The following MCTP1 variants were observed in gnomAD, a reference collection of about 807,000 sequenced individuals.
MCTP1 encodes the protein multiple C2 and transmembrane domain containing 1.
MCTP1 carries 69 observed loss-of-function variants against 120.6 expected under a neutral mutation model. The observed-to-expected ratio is 0.57, with a 90% confidence interval of 0.47 to 0.70. MCTP1 has a LOEUF of 0.70. Among genes scored for constraint, MCTP1 ranks in the 30% least tolerant of loss-of-function variants. The probability of loss-of-function intolerance (pLI) is 0.00; values close to 1 mark genes in which losing one functional copy is unlikely to be tolerated. For synonymous variants in MCTP1, 529 were observed against 493.1 expected, an observed-to-expected ratio of 1.07 and a Z score of -0.96; for missense variants, 1,203 against 1,248.8, an observed-to-expected ratio of 0.96 and a Z score of 0.55.
intron 1 of MCTP1, among the ~76,000 whole-genome samples, chr5:95,118,249 G>A (rs1418864449): frequency 6.6e-6 from 1 of 152,074 alleles, no homozygotes; most frequent in Non-Finnish European, 1.5e-5. Flanking sequence ...AAATAAAGAG[G>A]TTAAGGTGTA....
chr5:95,061,408 G>GTTTTTTTTTTTTTTTTTTTTTTTT (rs556663513), intron 1 of MCTP1, among the ~76,000 whole-genome samples: 1 of 33,490 alleles, frequency 3.0e-5, no homozygotes, highest in African/African-American at 9.8e-5. Flanking sequence ...CCCCTTAAGG[G>GTTTTTTTTTTTTTTTTTTTTTTTT]TTTTTTTTTT....
chr5:95,216,238 G>T (rs1238932467), intron 1 of MCTP1, among the ~76,000 whole-genome samples: 1 of 152,134 alleles, frequency 6.6e-6, no homozygotes, highest in South Asian at 2.1e-4. Flanking sequence ...ATGCCTTTGT[G>T]TCATGTTATT....
chr5:94,724,710 T>C (rs548122355), intron 19 of MCTP1, among the ~76,000 whole-genome samples: 1 of 152,288 alleles, frequency 6.6e-6, no homozygotes, highest in East Asian at 1.9e-4. Context: ...CTCTCAAAGT[T>C]ACCCAGGGAC....
intron 1 of MCTP1, among the ~76,000 whole-genome samples, chr5:95,148,421 T>C (rs1410006821): frequency 6.6e-6 from 1 of 152,222 alleles, no homozygotes; most frequent in Admixed American, 6.5e-5. Flanking sequence ...TTTATTTTTG[T>C]CTGACTGATT....
At chr5:95,166,299 C>T (rs1365480183) in intron 1 of MCTP1, 1 of 152,092 alleles carries the variant, frequency 6.6e-6, no homozygotes, top group Non-Finnish European at 1.5e-5. Context: ...TTTGAGTTCT[C>T]CAATCAAGGG....
intron 17 of MCTP1, among the ~76,000 whole-genome samples, chr5:94,841,335 G>A (rs1407524349): frequency 1.3e-5 from 2 of 152,174 alleles, no homozygotes; most frequent in Non-Finnish European, 2.9e-5. Flanking sequence ...ATGAAGATTG[G>A]CATTTCGATT....
intron 1 of MCTP1, among the ~76,000 whole-genome samples, chr5:95,188,292 G>A (rs527471769): frequency 2.6e-5 from 4 of 152,256 alleles, no homozygotes; most frequent in South Asian, 2.1e-4. Context: ...TTGGCTCACC[G>A]GTGCAATGAT....
At position 94,704,182 on chromosome 5, in the gene MCTP1, A is replaced by G. The variant is rs1196399864; in HGVS notation, c.*3314T>C. Reference sequence around the variant, plus strand: ...TCTAGATACCCTAATCAAACCAACGAATAGACATCATCTGTACACTCACTC... The same window carrying G: ...TCTAGATACCCTAATCAAACCAACGGATAGACATCATCTGTACACTCACTC... On this transcript the variant is annotated 3_prime_UTR_variant, in exon 23 of 23. Transcript: ENST00000515393. 9.4e-6 allele frequency: 1 copy of G among 106,022 alleles called. No individual in the cohort carries two copies. Among genetic ancestry groups the G allele is most frequent in the Non-Finnish European group, 2.0e-5 (1 of 49,086 alleles). The allele number at this position is 106,022 out of a possible 1,614,324, so 6.6% of individuals were successfully genotyped here.
intron 1 of MCTP1, among the ~76,000 whole-genome samples, chr5:95,227,034 C>CT (rs1266088066): frequency 2.0e-5 from 3 of 152,174 alleles, no homozygotes; most frequent in Non-Finnish European, 4.4e-5. Context: ...CTCCCAGCCT[C>CT]TGTCAGCCTC....
intron 18 of MCTP1, chr5:94,789,594 G>C (rs1414681621): frequency 6.6e-6 from 1 of 152,144 alleles, no homozygotes; most frequent in Non-Finnish European, 1.5e-5. Flanking sequence ...AACAAACAGT[G>C]GCCACAGGTA....
rs1760542087 is a variant in MCTP1, at chr5:95,283,988, C to T, written c.588G>A (p.Gln196=). Residue 196 remains glutamine (Q), a synonymous_variant, in exon 1 of 23, where the codon CAG becomes CAA. Coordinates refer to ENST00000515393, the MANE Select transcript of MCTP1 (RefSeq NM_024717.7). ...CGGTGCCCGGCAGAGAGGAGCTCTT[C>T]TGGTGGCACAAGTGCGCCCCGGGGC... ...RQGPGAHLCH[Q]KSSSLPGTAC... is the part of the protein sequence containing the mutation. 4 of 1,464,754 alleles carry T rather than the reference C, an allele frequency of 2.7e-6. No homozygotes were observed. Among genetic ancestry groups the T allele is most frequent in the Non-Finnish European group, 3.6e-6 (4 of 1,112,588 alleles). The allele number at this position is 1,464,754 out of a possible 1,614,324, so 90.7% of individuals were successfully genotyped here.
chr5:94,942,289 T>C, intron 4 of MCTP1, 59 bp downstream of exon 4: 11 of 1,280,498 alleles, frequency 8.6e-6, no homozygotes, highest in Non-Finnish European at 1.2e-5. Context: ...TGACATTTTC[T>C]GTTACACAAG....
At chr5:94,707,637 G>T in intron 22 of MCTP1, 70 bp from the exon 23 acceptor site, 3 of 1,164,098 alleles carry the variant, frequency 2.6e-6, no homozygotes, top group Non-Finnish European at 2.6e-6. Flanking sequence ...AACAGCAAAG[G>T]AATGAGAGAC....
intron 1 of MCTP1, among the ~76,000 whole-genome samples, chr5:95,030,227 C>T (rs923430667): frequency 2.6e-5 from 4 of 152,188 alleles, no homozygotes; most frequent in Admixed American, 1.3e-4. Context: ...GGAGCTGATG[C>T]ATGCTCCACC....
intron 17 of MCTP1, among the ~76,000 whole-genome samples, chr5:94,815,995 A>G (rs1039433886): frequency 6.6e-6 from 1 of 152,224 alleles, no homozygotes; most frequent in Non-Finnish European, 1.5e-5. Flanking sequence ...TAACTGGCAT[A>G]CAGATGGGGA....
At chr5:94,834,130 T>G (rs72775342) in intron 17 of MCTP1, among the ~76,000 whole-genome samples, 1 of 152,160 alleles carries the variant, frequency 6.6e-6, no homozygotes, top group Non-Finnish European at 1.5e-5. Context: ...GACATTATGG[T>G]GAAAGTTTGT....
chr5:94,728,523 T>C (rs960900450), intron 19 of MCTP1, among the ~76,000 whole-genome samples: 1 of 152,224 alleles, frequency 6.6e-6, no homozygotes, highest in Non-Finnish European at 1.5e-5. Context: ...AGGGATGTTG[T>C]AGGCTTAAAT....
rs189105571 is a variant in MCTP1, at chr5:95,204,743, G to A, written c.720+79113C>T. Among the ~76,000 whole-genome samples, 1,075 of 151,248 alleles carry A rather than the reference G, an allele frequency of 7.1e-3. 19 individuals carry two copies. Among genetic ancestry groups the A allele is most frequent in the African/African-American group, 0.024 (996 of 41,318 alleles). ...ACCAATAAGGAAATTTAAAACAAAC[G>A]AAAAAAATAATTCATTTACAATAGC... On this transcript the variant is annotated intron_variant, in intron 1 of 22. Coordinates refer to ENST00000515393, the MANE Select transcript of MCTP1 (RefSeq NM_024717.7).
At chr5:94,981,115 C>T (rs1013693812) in intron 2 of MCTP1, among the ~76,000 whole-genome samples, 23 of 152,102 alleles carry the variant, frequency 1.5e-4, no homozygotes, top group African/African-American at 4.3e-4. Context: ...GAGACAAAGA[C>T]GGCAGATATA....
Sources: gnomAD v4.1 joint callset for allele counts (sites outside exome capture counted in the v4.1 genomes callset) on GRCh38, gnomAD v4.1.1 for gene constraint, MANE v1.5 for transcripts, NCBI Gene and HGNC (gene_info 2026-07-23, HGNC 2026-07-21) for gene names.